The following DENND2C variants were observed in gnomAD, a reference collection of about 807,000 sequenced individuals.
The protein encoded by DENND2C is DENN domain-containing protein 2C.
DENND2C carries 72 observed loss-of-function variants against 112.4 expected under a neutral mutation model. The ratio of observed to expected loss-of-function variants is 0.64; its 90% CI spans 0.53 to 0.78. The LOEUF is 0.78. DENND2C is among the 30% of genes least tolerant of loss of function. The probability of loss-of-function intolerance (pLI) is 0.00; values close to 1 mark genes in which losing one functional copy is unlikely to be tolerated. For synonymous variants in DENND2C, 329 were observed against 381.6 expected, an observed-to-expected ratio of 0.86 and a Z score of 1.61; for missense variants, 992 against 1,113.8, an observed-to-expected ratio of 0.89 and a Z score of 1.56.
intron 3 of DENND2C, among the ~76,000 whole-genome samples, chr1:114,644,001 C>T (rs747298582): frequency 4.6e-5 from 7 of 152,138 alleles, no homozygotes; most frequent in African/African-American, 1.2e-4. Flanking sequence ...CTGATTGTAA[C>T]GGGTACTACT....
intron 2 of DENND2C, among the ~76,000 whole-genome samples, chr1:114,646,045 G>A (rs1239890275): frequency 1.3e-5 from 2 of 151,870 alleles, no homozygotes; most frequent in Non-Finnish European, 2.9e-5. Flanking sequence ...TCCTGCCTCA[G>A]CCTCCTGAAT....
At chr1:114,622,603 C>T (rs931652897) in intron 6 of DENND2C, among the ~76,000 whole-genome samples, 2 of 152,082 alleles carry the variant, frequency 1.3e-5, no homozygotes, top group African/African-American at 4.8e-5. Flanking sequence ...TCCCAGAAAA[C>T]AATGGCTCAC....
chr1:114,586,325 G>A (rs2101636409), intron 20 of DENND2C, among the ~76,000 whole-genome samples: 1 of 152,226 alleles, frequency 6.6e-6, no homozygotes, highest in African/African-American at 2.4e-5. Flanking sequence ...TGGGGTATAT[G>A]AGCAGCCTAA....
chr1:114,585,587 ACAAT>A lies in DENND2C; in HGVS notation c.*9_*12del, dbSNP rs1402290961. On this transcript the variant is annotated 3_prime_UTR_variant, in exon 21 of 21. Transcript: ENST00000393274. ...TTTCTGTTGTATATTCAGGATGGAG[ACAAT>A]CAGAGATTTCATTTCTTTTGCAGAA... 2 of 1,613,646 alleles carry A rather than the reference ACAAT, an allele frequency of 1.2e-6. No homozygotes were observed. The highest frequency in any genetic ancestry group is 1.7e-6 in the Non-Finnish European group (2 of 1,179,620).
At chr1:114,651,959 G>C (rs1315197495) in intron 2 of DENND2C, among the ~76,000 whole-genome samples, 1 of 152,044 alleles carries the variant, frequency 6.6e-6, no homozygotes, top group Non-Finnish European at 1.5e-5. Context: ...TGGGATGTTA[G>C]AGCTTCAGCA....
chr1:114,616,519 A>G (rs1655976212), intron 8 of DENND2C, among the ~76,000 whole-genome samples: 1 of 152,096 alleles, frequency 6.6e-6, no homozygotes, highest in African/African-American at 2.4e-5. Context: ...TAAATTCTAC[A>G]TATTTGCCAG....
chr1:114,627,134 C>T (rs181886968), intron 3 of DENND2C, among the ~76,000 whole-genome samples: 9 of 152,320 alleles, frequency 5.9e-5, no homozygotes, highest in African/African-American at 1.7e-4. Context: ...TATGCTACCA[C>T]ACCCTTGACC....
intron 2 of DENND2C, among the ~76,000 whole-genome samples, chr1:114,652,001 C>T (rs1431675182): frequency 6.6e-6 from 1 of 152,110 alleles, no homozygotes; most frequent in Admixed American, 6.5e-5. Context: ...TGATAGATGG[C>T]CTGGTGCGGG....
At chr1:114,631,113 T>C (rs1656476742) in intron 3 of DENND2C, among the ~76,000 whole-genome samples, 1 of 152,204 alleles carries the variant, frequency 6.6e-6, no homozygotes, top group South Asian at 2.1e-4. Flanking sequence ...CTGTGGCTGA[T>C]GCCTGTAATC....
intron 3 of DENND2C, among the ~76,000 whole-genome samples, chr1:114,627,997 T>C (rs1656392303): frequency 6.6e-6 from 1 of 151,806 alleles, no homozygotes; most frequent in Admixed American, 6.6e-5. Flanking sequence ...TAAAAAAAAA[T>C]TTTAACTTGA....
chr1:114,604,190 C>T (rs1475134477), intron 11 of DENND2C, among the ~76,000 whole-genome samples: 3 of 152,164 alleles, frequency 2.0e-5, no homozygotes, highest in Non-Finnish European at 4.4e-5. Context: ...CTGGAAGCAA[C>T]ACGAAGTTGA....
intron 8 of DENND2C, among the ~76,000 whole-genome samples, chr1:114,613,970 T>C (rs1180803105): frequency 6.6e-6 from 1 of 152,142 alleles, no homozygotes; most frequent in Non-Finnish European, 1.5e-5. Context: ...TGGTGGCTCA[T>C]ACCTATAATC....
chr1:114,605,768 G>A (rs1381694179), intron 10 of DENND2C, among the ~76,000 whole-genome samples: 1 of 152,184 alleles, frequency 6.6e-6, no homozygotes, highest in African/African-American at 2.4e-5. Context: ...ACTCGAGCCT[G>A]GGTGACAGAG....
At chr1:114,659,685 T>C (rs1037510952) in intron 1 of DENND2C, among the ~76,000 whole-genome samples, 2 of 152,178 alleles carry the variant, frequency 1.3e-5, no homozygotes, top group African/African-American at 4.8e-5. Context: ...TTTGTTATTC[T>C]AAAATATTGA....
chr1:114,627,638 GA>G (rs1204588828), intron 3 of DENND2C, among the ~76,000 whole-genome samples: 2 of 150,578 alleles, frequency 1.3e-5, no homozygotes, highest in South Asian at 2.1e-4. Flanking sequence ...TCATGTGGAT[GA>G]AAAAAAATAA....
At chr1:114,639,366 G>A (rs923112250) in intron 3 of DENND2C, among the ~76,000 whole-genome samples, 48 of 152,028 alleles carry the variant, frequency 3.2e-4, no homozygotes, top group Non-Finnish European at 7.4e-5. Flanking sequence ...AGATCACGAG[G>A]TCAGGAGTTT....
chr1:114,623,588 T>C lies in DENND2C; in HGVS notation c.862A>G (p.Ile288Val). 1 of 1,609,826 alleles carries C rather than the reference T, an allele frequency of 6.2e-7. No homozygotes were observed. The highest frequency in any genetic ancestry group is 8.5e-7 in the Non-Finnish European group (1 of 1,178,044). Reference protein sequence around the residue: ...QHFRNRNSQTIREELGRNSGS... With the variant: ...QHFRNRNSQTVREELGRNSGS... ...GAATTTCTTCCAAGTTCTTCACGAA[T>C]CGTCTGTGAGTTCCGATTTCGAAAG... Residue 288 changes from isoleucine (I) to valine (V), a missense_variant, in exon 5 of 21, where the codon ATT (isoleucine) becomes GTT (valine). Ile to Val is a conservative substitution (Grantham distance 29). Coordinates refer to ENST00000393274, the MANE Select transcript of DENND2C (RefSeq NM_001256404.2).
At chr1:114,665,335 T>C (rs2101702304) in intron 1 of DENND2C, among the ~76,000 whole-genome samples, 1 of 151,508 alleles carries the variant, frequency 6.6e-6, no homozygotes, top group Non-Finnish European at 1.5e-5. Flanking sequence ...AGAAAAACAA[T>C]TCCATAATAA....
Position 114,595,872 on chromosome 1 carries a change from A to G in DENND2C, c.2285T>C (p.Val762Ala). 6.2e-7 allele frequency: 1 copy of G among 1,613,890 alleles called. No individual in the cohort carries two copies. Among genetic ancestry groups the G allele is most frequent in the South Asian group, 1.1e-5 (1 of 91,062 alleles). Residue 762 changes from valine to alanine, a missense_variant and splice_region_variant, in exon 17 of 21, where the codon GTG (valine) becomes GCG (alanine). Physicochemically the swap from Val to Ala is moderately conservative, Grantham distance 64. Coordinates refer to ENST00000393274, the MANE Select transcript of DENND2C (RefSeq NM_001256404.2). ...GTCTGCACAGAGATCAACTATCAGC[A>G]CCTATGAAATAAAGGAGCCAGGCAA... ...PQLQDLPIEEVLIVDLCADKF... is the reference protein window; with the variant it reads ...PQLQDLPIEEALIVDLCADKF...
Sources: allele counts gnomAD v4.1 joint callset (sites outside exome capture counted in the v4.1 genomes callset), GRCh38; gene constraint gnomAD v4.1.1; transcripts MANE v1.5; gene names NCBI Gene and HGNC (gene_info 2026-07-23, HGNC 2026-07-21).